KPNA1: variants seen among roughly 807,000 people sequenced by gnomAD.
KPNA1 encodes the protein importin subunit alpha-5.
A neutral mutation model predicts 70.5 loss-of-function variants in KPNA1; 10 were observed. The observed-to-expected ratio is 0.14, with a 90% CI of 0.09 to 0.24. The LOEUF (loss-of-function observed/expected upper bound fraction) is 0.24, where lower values mean the gene tolerates loss of function less well. Ranked by LOEUF, KPNA1 falls within the 10% of genes least tolerant of loss-of-function variation. The pLI is 1.00. For missense variants in KPNA1, 397 were observed against 637.9 expected, an observed-to-expected ratio of 0.62 and a Z score of 4.07; for synonymous variants, 192 against 221.9, an observed-to-expected ratio of 0.87 and a Z score of 1.20.
At chr3:122,497,949 C>T (rs1329191415) in intron 1 of KPNA1, among the ~76,000 whole-genome samples, 1 of 152,066 alleles carries the variant, frequency 6.6e-6, no homozygotes, top group Non-Finnish European at 1.5e-5. Flanking sequence ...TGTTGTTGTT[C>T]ATGCTTTTGG....
intron 11 of KPNA1, among the ~76,000 whole-genome samples, chr3:122,434,190 G>A (rs1474672822): frequency 6.6e-6 from 1 of 152,172 alleles, no homozygotes; most frequent in Non-Finnish European, 1.5e-5. Context: ...ACCCACCTCG[G>A]CCTCCCAAAG....
chr3:122,490,757 G>A (rs918921247), intron 2 of KPNA1, among the ~76,000 whole-genome samples: 5 of 152,138 alleles, frequency 3.3e-5, no homozygotes, highest in Non-Finnish European at 7.4e-5. Context: ...GCCTTCTCAG[G>A]ACAGAGCTGG....
chr3:122,435,679 T>C (rs1482476407), intron 11 of KPNA1, among the ~76,000 whole-genome samples: 1 of 152,220 alleles, frequency 6.6e-6, no homozygotes, highest in Non-Finnish European at 1.5e-5. Context: ...ACTTTTATCA[T>C]TTCTTACACC....
chr3:122,451,952 A>T, intron 7 of KPNA1, 24 bp downstream of exon 7: 5 of 1,361,696 alleles, frequency 3.7e-6, no homozygotes, highest in Non-Finnish European at 4.1e-6. Flanking sequence ...AGAAAAAAAA[A>T]GGAAGAAGGA....
intron 5 of KPNA1, chr3:122,459,879 G>A (rs1007412087): frequency 4.1e-6 from 4 of 985,302 alleles, no homozygotes; most frequent in East Asian, 1.1e-4. Context: ...AAAACATCAA[G>A]GCAAATCATC....
intron 2 of KPNA1, among the ~76,000 whole-genome samples, chr3:122,468,523 TTC>T (rs2076406424): frequency 6.6e-6 from 1 of 152,214 alleles, no homozygotes; most frequent in African/African-American, 2.4e-5. Flanking sequence ...TAACAGTAGT[TTC>T]TTTTACCCAG....
At chr3:122,466,370 AT>A (rs1258870232) in intron 3 of KPNA1, among the ~76,000 whole-genome samples, 1 of 152,032 alleles carries the variant, frequency 6.6e-6, no homozygotes, top group African/African-American at 2.4e-5. Flanking sequence ...CGGAAGAAAG[AT>A]TTTTCTTCAT....
chr3:122,503,053 G>A (rs1458280715), intron 1 of KPNA1, among the ~76,000 whole-genome samples: 12 of 151,934 alleles, frequency 7.9e-5, no homozygotes, highest in African/African-American at 2.7e-4. Flanking sequence ...AGCCAAGATC[G>A]CACCACTGAG....
intron 2 of KPNA1, among the ~76,000 whole-genome samples, chr3:122,481,986 A>C (rs1234556362): frequency 6.6e-6 from 1 of 152,246 alleles, no homozygotes; most frequent in Non-Finnish European, 1.5e-5. Context: ...ACTGTATAAG[A>C]ACATACATAG....
At chr3:122,449,473 A>C in intron 9 of KPNA1, 101 bp downstream of exon 9, 2 of 951,824 alleles carry the variant, frequency 2.1e-6, no homozygotes, top group Non-Finnish European at 3.1e-6. Flanking sequence ...AAGCACAATA[A>C]ATCAATTATC....
At chr3:122,512,413 G>A (rs1009684939) in intron 1 of KPNA1, among the ~76,000 whole-genome samples, 1 of 152,208 alleles carries the variant, frequency 6.6e-6, no homozygotes, top group Admixed American at 6.5e-5. Flanking sequence ...ACTTCTACGA[G>A]AACCACTTTA....
chr3:122,486,689 G>A (rs571998224), intron 2 of KPNA1, among the ~76,000 whole-genome samples: 4 of 152,088 alleles, frequency 2.6e-5, no homozygotes, highest in South Asian at 2.1e-4. Context: ...CCAGGTTCAC[G>A]CCATTCTCCT....
intron 13 of KPNA1, 104 bp downstream of exon 13, chr3:122,427,434 C>G: frequency 4.3e-6 from 5 of 1,171,402 alleles, no homozygotes; most frequent in Non-Finnish European, 4.8e-6. Flanking sequence ...CCTAACAGTC[C>G]TCTTTTCATC....
chr3:122,449,538 A>T (rs776983714), intron 9 of KPNA1, 36 bp downstream of exon 9: 33 of 1,544,286 alleles, frequency 2.1e-5, no homozygotes, highest in Non-Finnish European at 2.7e-5. Flanking sequence ...GTACCAAGGG[A>T]GAGAAAGTGG....
chr3:122,465,823 C>G (rs1311072002), intron 3 of KPNA1, among the ~76,000 whole-genome samples: 1 of 152,174 alleles, frequency 6.6e-6, no homozygotes, highest in Admixed American at 6.5e-5. Context: ...CCCTTAAAAG[C>G]AAAGACTAGG....
At chr3:122,490,197 G>T (rs2076681930) in intron 2 of KPNA1, among the ~76,000 whole-genome samples, 1 of 152,236 alleles carries the variant, frequency 6.6e-6, no homozygotes, top group Non-Finnish European at 1.5e-5. Context: ...TCTCTTCTTT[G>T]ATATTCCATC....
At chr3:122,501,596 TA>T (rs2076829983) in intron 1 of KPNA1, among the ~76,000 whole-genome samples, 1 of 152,246 alleles carries the variant, frequency 6.6e-6, no homozygotes, top group Non-Finnish European at 1.5e-5. Flanking sequence ...AAAATTTATC[TA>T]GCTTGTTTTG....
chr3:122,467,476 A>ATTT, intron 2 of KPNA1, 47 bp from the exon 3 acceptor site: 6 of 1,196,474 alleles, frequency 5.0e-6, no homozygotes, highest in Non-Finnish European at 7.3e-6. Flanking sequence ...ATTCTAACAC[A>ATTT]AGGGAGTTCA....
At chr3:122,452,236 C>T (rs533517495) in intron 6 of KPNA1, among the ~76,000 whole-genome samples, 172 bp from the exon 7 acceptor site, 7 of 151,914 alleles carry the variant, frequency 4.6e-5, no homozygotes, top group African/African-American at 7.3e-5. Flanking sequence ...AGAAGGTATT[C>T]GGTTTATTAA....
Sources: gnomAD v4.1 joint callset for allele counts (sites outside exome capture counted in the v4.1 genomes callset) on GRCh38, gnomAD v4.1.1 for gene constraint, MANE v1.5 for transcripts, NCBI Gene and HGNC (gene_info 2026-07-23, HGNC 2026-07-21) for gene names.